The following ZEB2 variants were observed in gnomAD, a reference collection of about 807,000 sequenced individuals.
ZEB2 encodes the protein zinc finger E-box-binding homeobox 2.
A neutral mutation model predicts 99.9 loss-of-function variants in ZEB2; 6 were observed. The ratio of observed to expected loss-of-function variants is 0.06; its 90% CI spans 0.03 to 0.12. The LOEUF (loss-of-function observed/expected upper bound fraction) is 0.12, where lower values mean the gene tolerates loss of function less well. Ranked by LOEUF, ZEB2 falls within the 10% of genes least tolerant of loss-of-function variation. The pLI, the probability that ZEB2 is intolerant of heterozygous loss-of-function variation, is 1.00. For missense variants in ZEB2, 969 were observed against 1,502.8 expected (o/e 0.64, Z 5.87); for synonymous variants, 517 against 542.5 (o/e 0.95, Z 0.65).
chr2:144,464,790 C>T (rs996758383), intron 2 of ZEB2, among the ~76,000 whole-genome samples: 1 of 152,140 alleles, frequency 6.6e-6, no homozygotes, highest in Non-Finnish European at 1.5e-5. Context: ...AAAACCTCTG[C>T]AGTGTCCATG....
Position 144,389,645 on chromosome 2 carries a change from G to C in ZEB2, c.3451C>G (p.Leu1151Val). The C allele has an allele frequency of 6.2e-7, 1 of 1,613,954 alleles. No individual in the cohort carries two copies. The highest frequency in any genetic ancestry group is 8.5e-7 in the Non-Finnish European group (1 of 1,179,988). ...TCCTCGTCGCCATCCTGTCTGCCCA[G>C]CTTCCCGTAGCCATCCTCGCCTTCT... is the stretch of plus-strand genomic sequence containing the variant. ...EKEGEDGYGK[L>V]GRQDGDEEFE... The change falls in exon 10 of 10, where the codon CTG becomes GTG. Residue 1151 changes from leucine (L) to valine (V), a missense_variant. This residue lies in a region of ZEB2 where 121 missense variants were observed against 166.4 expected (regional missense o/e 0.73). Transcript: ENST00000627532. This position sits in a 1 kb window ranked among gnomAD's most constrained non-coding sequence, Gnocchi z 6.8.
intron 2 of ZEB2, among the ~76,000 whole-genome samples, chr2:144,456,253 C>T (rs941618858): frequency 6.6e-6 from 1 of 152,084 alleles, no homozygotes; most frequent in Non-Finnish European, 1.5e-5. Context: ...AGTTTATTTG[C>T]CTAGGCATTT....
At chr2:144,511,508 G>C in intron 2 of ZEB2, 1 of 1,281,836 alleles carries the variant, frequency 7.8e-7, no homozygotes, top group African/African-American at 1.5e-5. Context: ...TAAGGCAAAG[G>C]CTTCCATGGA....
At chr2:144,426,240 T>C (rs949547079) in intron 3 of ZEB2, among the ~76,000 whole-genome samples, 4 of 152,186 alleles carry the variant, frequency 2.6e-5, no homozygotes, top group Non-Finnish European at 5.9e-5. Context: ...ATTAAACATT[T>C]AGAAGTTTAA....
At chr2:144,468,319 G>A (rs757090339) in intron 2 of ZEB2, among the ~76,000 whole-genome samples, 64 of 152,130 alleles carry the variant, frequency 4.2e-4, no homozygotes, top group Non-Finnish European at 6.0e-4. Context: ...TTGCTAAGTT[G>A]GACACAAAAA....
chr2:144,466,045 G>T (rs1175459056), intron 2 of ZEB2, among the ~76,000 whole-genome samples: 1 of 152,170 alleles, frequency 6.6e-6, no homozygotes, highest in Non-Finnish European at 1.5e-5. Context: ...ATAGTCATTA[G>T]GCCTTCACTA....
At chr2:144,483,130 A>G in intron 2 of ZEB2, among the ~76,000 whole-genome samples, 1 of 142,076 alleles carries the variant, frequency 7.0e-6, no homozygotes, top group Non-Finnish European at 1.5e-5. Flanking sequence ...ACACACACAC[A>G]CACACACACA....
chr2:144,512,721 T>C, intron 2 of ZEB2: 2 of 1,287,222 alleles, frequency 1.6e-6, no homozygotes, highest in South Asian at 2.5e-5. Context: ...AGCATGTTTC[T>C]ACCCCAATTG....
intron 2 of ZEB2, chr2:144,503,829 A>G (rs1704909639): frequency 6.6e-6 from 1 of 152,172 alleles, no homozygotes; most frequent in Non-Finnish European, 1.5e-5. Flanking sequence ...ACGTGTTCTC[A>G]TATTACCAGG....
intron 2 of ZEB2, among the ~76,000 whole-genome samples, chr2:144,451,982 G>T (rs1704060649): frequency 6.6e-6 from 1 of 152,016 alleles, no homozygotes; most frequent in African/African-American, 2.4e-5. Flanking sequence ...CTATGTGTTT[G>T]ATAGTTGTGG....
Position 144,389,062 on chromosome 2 carries a change from G to A in ZEB2, c.*389C>T. The A allele has an allele frequency of 2.1e-6, 1 of 470,992 alleles. No homozygotes were observed. Among genetic ancestry groups the A allele is most frequent in the South Asian group, 2.6e-5 (1 of 37,948 alleles). 29.2% of individuals were successfully genotyped at this position (470,992 alleles called of 1,614,324 possible). A position where few individuals can be genotyped will look rare whatever the true frequency, so the allele number is the denominator to read the frequency against. On this transcript the variant is annotated 3_prime_UTR_variant, in exon 10 of 10. Transcript: ENST00000627532. The surrounding 1 kb of genome is among the most constrained non-coding windows in gnomAD (Gnocchi z 6.8). ...CAATAATAATAATAAAAATACTGAT[G>A]TATGGTAGTGCGGGCACCTTTTTAA...
intron 2 of ZEB2, chr2:144,511,493 G>T: frequency 7.8e-7 from 1 of 1,279,970 alleles, no homozygotes; most frequent in Non-Finnish European, 1.0e-6. Context: ...TTGGCACATA[G>T]CTATTAAGGC....
intron 2 of ZEB2, among the ~76,000 whole-genome samples, chr2:144,492,001 A>C (rs538224004): frequency 6.6e-6 from 1 of 152,308 alleles, no homozygotes; most frequent in East Asian, 1.9e-4. Context: ...ACCAATCCAC[A>C]CAGTTGTGTG....
At chr2:144,504,219 A>T (rs1310476499) in intron 2 of ZEB2, 1 of 151,752 alleles carries the variant, frequency 6.6e-6, no homozygotes, top group Non-Finnish European at 1.5e-5. Flanking sequence ...AAGTGTGCCC[A>T]CTCCTCTTTA....
rs1263988709 is a variant in ZEB2 at position 144,389,037 on chromosome 2, C to CAAT, written c.*411_*413dup. On this transcript the variant is annotated 3_prime_UTR_variant, in exon 10 of 10. Coordinates refer to ENST00000627532, the MANE Select transcript of ZEB2 (RefSeq NM_014795.4). The surrounding 1 kb of genome is among the most constrained non-coding windows in gnomAD (Gnocchi z 6.8). ...AGCACATTAAATTAAAAAGGAATAA[C>CAAT]AATAATAATAATAAAAATACTGATG... The CAAT allele has an allele frequency of 4.9e-6, 2 of 411,792 alleles. No homozygotes were observed. The highest frequency in any genetic ancestry group is 8.7e-6 in the Non-Finnish European group (2 of 228,758). 25.5% of individuals were successfully genotyped at this position (411,792 alleles called of 1,614,324 possible).
At chr2:144,422,299 ACT>A (rs1286160750) in intron 4 of ZEB2, among the ~76,000 whole-genome samples, 4 of 152,080 alleles carry the variant, frequency 2.6e-5, no homozygotes, top group African/African-American at 4.8e-5. Context: ...GCCTCCTAGG[ACT>A]CTCTGATTCA....
At chr2:144,517,477 G>T in intron 1 of ZEB2, 58 bp from the exon 2 acceptor site, 2 of 1,178,842 alleles carry the variant, frequency 1.7e-6, no homozygotes. Context: ...AAACGCGCGC[G>T]GGCCGCCCAG....
intron 2 of ZEB2, among the ~76,000 whole-genome samples, chr2:144,498,436 G>A (rs1704821092): frequency 1.3e-5 from 2 of 151,670 alleles, no homozygotes; most frequent in Non-Finnish European, 2.9e-5. Context: ...ATGTTCACAG[G>A]TCCTGAAGGA....
At chr2:144,517,822 T>C in intron 1 of ZEB2, 2 of 596,890 alleles carry the variant, frequency 3.4e-6, no homozygotes, top group South Asian at 3.5e-5. Context: ...TTCTCATCTT[T>C]TCTCATCCCC....
Sources: allele counts gnomAD v4.1 joint callset (sites outside exome capture counted in the v4.1 genomes callset), GRCh38; gene constraint gnomAD v4.1.1; regional missense constraint gnomAD v4.1.1; non-coding constraint Gnocchi (gnomAD v3.1); transcripts MANE v1.5; gene names NCBI Gene and HGNC (gene_info 2026-07-23, HGNC 2026-07-21).